Variants in XKR6 observed in about 807,000 individuals in gnomAD.
XKR6 encodes the protein XK related 6.
Under a neutral mutation model 56.7 loss-of-function variants are expected in XKR6, and 22 were observed. The ratio of observed to expected loss-of-function variants is 0.39; its 90% CI spans 0.28 to 0.55. XKR6 has a LOEUF of 0.55. XKR6 is among the 20% of genes least tolerant of loss of function. The pLI, the probability that XKR6 is intolerant of heterozygous loss-of-function variation, is 0.66. For missense variants in XKR6, 852 were observed against 889.0 expected, an observed-to-expected ratio of 0.96 and a Z score of 0.53; for synonymous variants, 524 against 387.8, an observed-to-expected ratio of 1.35 and a Z score of -4.13.
At chr8:10,974,476 C>A (rs35148314) in intron 1 of XKR6, among the ~76,000 whole-genome samples, 26,981 of 152,186 alleles carry the variant, frequency 0.18, 2,681 homozygotes, top group Non-Finnish European at 0.22. Context: ...CCTGACCAAT[C>A]CTAAGCCTGG....
intron 1 of XKR6, among the ~76,000 whole-genome samples, chr8:11,107,087 T>C (rs1255321515): frequency 6.6e-6 from 1 of 152,046 alleles, no homozygotes; most frequent in Non-Finnish European, 1.5e-5. Flanking sequence ...GCTTCTATCT[T>C]GACTTATGAC....
chr8:10,908,753 G>A (rs1393605268), intron 2 of XKR6, among the ~76,000 whole-genome samples: 1 of 152,230 alleles, frequency 6.6e-6, no homozygotes, highest in African/African-American at 2.4e-5. Context: ...ACAGCATTGT[G>A]TTAAGAGGTG....
At chr8:10,954,869 T>C (rs1215122838) in intron 1 of XKR6, among the ~76,000 whole-genome samples, 5 of 139,308 alleles carry the variant, frequency 3.6e-5, no homozygotes, top group Admixed American at 3.6e-4. Flanking sequence ...TCATTCTCTT[T>C]TTTTTTTTTT....
At chr8:10,955,955 G>C (rs963130913) in intron 1 of XKR6, among the ~76,000 whole-genome samples, 1 of 152,240 alleles carries the variant, frequency 6.6e-6, no homozygotes, top group African/African-American at 2.4e-5. Context: ...AGGGCCCTGA[G>C]TGGCTGCTCG....
intron 1 of XKR6, among the ~76,000 whole-genome samples, chr8:11,146,755 G>C (rs1324348939): frequency 6.6e-6 from 1 of 151,786 alleles, no homozygotes; most frequent in African/African-American, 2.4e-5. Context: ...AATAAAGAAA[G>C]TGTGGTAAAC....
chr8:11,061,033 C>G (rs565425773), intron 1 of XKR6, among the ~76,000 whole-genome samples: 2 of 152,212 alleles, frequency 1.3e-5, no homozygotes, highest in African/African-American at 4.8e-5. Flanking sequence ...AAGCCAACGT[C>G]TACCTAGGGC....
chr8:10,962,595 G>A (rs994645602), intron 1 of XKR6, among the ~76,000 whole-genome samples: 1 of 152,040 alleles, frequency 6.6e-6, no homozygotes, highest in Admixed American at 6.5e-5. Context: ...TCCATGTTTA[G>A]TTTCATATTC....
chr8:11,162,841 G>T (rs774106712), intron 1 of XKR6, among the ~76,000 whole-genome samples: 20 of 152,222 alleles, frequency 1.3e-4, no homozygotes, highest in Non-Finnish European at 2.2e-4. Flanking sequence ...CACTAACAGT[G>T]ATGTCACCTC....
intron 1 of XKR6, among the ~76,000 whole-genome samples, chr8:10,932,906 A>G (rs1801103542): frequency 7.0e-6 from 1 of 142,614 alleles, no homozygotes; most frequent in African/African-American, 2.7e-5. Flanking sequence ...GTGTCTTTAT[A>G]GCAGCATGAT....
Position 11,180,360 on chromosome 8 carries a change from G to C in XKR6, c.764+20216C>G, listed in dbSNP as rs557428681. Reference sequence around the variant, plus strand: ...TTAACCATGGCACAAGGAATGTTTGGACTAAAAAATTCTTTGTGGTGAGAG... The same window carrying C: ...TTAACCATGGCACAAGGAATGTTTGCACTAAAAAATTCTTTGTGGTGAGAG... On this transcript the variant is annotated intron_variant, in intron 1 of 2. Transcript: ENST00000416569. 1.3e-3 allele frequency among the ~76,000 whole-genome samples: 194 copies of C among 152,234 alleles called. 1 individual carries two copies. In the Middle Eastern group the frequency reaches 0.014, roughly 11 times the overall value.
At chr8:11,093,476 C>T (rs978717223) in intron 1 of XKR6, among the ~76,000 whole-genome samples, 1 of 152,314 alleles carries the variant, frequency 6.6e-6, no homozygotes, top group East Asian at 1.9e-4. Context: ...CCCTGCTCCC[C>T]GCACTCCACT....
intron 1 of XKR6, among the ~76,000 whole-genome samples, chr8:10,948,188 G>C (rs968623721): frequency 2.0e-5 from 3 of 152,148 alleles, no homozygotes; most frequent in Non-Finnish European, 2.9e-5. Context: ...GAAGAGGCTG[G>C]GCTTCAGAGA....
At chr8:10,960,009 G>T (rs190417451) in intron 1 of XKR6, among the ~76,000 whole-genome samples, 4 of 134,826 alleles carry the variant, frequency 3.0e-5, no homozygotes, top group Non-Finnish European at 5.1e-5. Flanking sequence ...CTGAAGGTCA[G>T]GGGGGGGCCT....
At chr8:11,123,328 A>C (rs1028662292) in intron 1 of XKR6, 1 of 152,394 alleles carries the variant, frequency 6.6e-6, no homozygotes, top group Non-Finnish European at 1.5e-5. Context: ...TGCCAACAAC[A>C]ATCTGGTTAT....
At position 11,045,788 on chromosome 8, in the gene XKR6, G is replaced by A. The variant is rs533554535; in HGVS notation, c.765-120958C>T. ...TCCACCACAGAGGCAGTGCACTGGT[G>A]TGACTTGGGGGTTACCACAAGGAAA... is the stretch of plus-strand genomic sequence containing the variant. On this transcript the variant is annotated intron_variant, in intron 1 of 2. Transcript: ENST00000416569. Among the ~76,000 whole-genome samples the A allele has an allele frequency of 3.3e-5, 5 of 152,314 alleles. No homozygotes were observed. The South Asian group carries it at 1.0e-3, about 32-fold the overall frequency.
intron 1 of XKR6, among the ~76,000 whole-genome samples, chr8:10,945,345 A>G (rs1801503672): frequency 6.6e-6 from 1 of 152,200 alleles, no homozygotes; most frequent in Admixed American, 6.5e-5. Context: ...TTAGCTGGGC[A>G]TGGTGGTGCA....
At chr8:10,965,003 C>T (rs547311723) in intron 1 of XKR6, among the ~76,000 whole-genome samples, 24 of 152,334 alleles carry the variant, frequency 1.6e-4, no homozygotes, top group African/African-American at 5.5e-4. Context: ...CTCTTTACAT[C>T]GCCTTCCCTT....
intron 2 of XKR6, among the ~76,000 whole-genome samples, chr8:10,907,878 GT>G (rs1443990613): frequency 1.3e-5 from 2 of 152,186 alleles, no homozygotes; most frequent in Non-Finnish European, 2.9e-5. Flanking sequence ...TGACACTTCT[GT>G]TCCATCTCTC....
intron 1 of XKR6, among the ~76,000 whole-genome samples, chr8:11,185,231 A>G (rs894242651): frequency 3.3e-5 from 5 of 152,210 alleles, no homozygotes; most frequent in African/African-American, 7.2e-5. Flanking sequence ...TAAGTGGGTA[A>G]GAATTATCTC....
Sources: allele counts gnomAD v4.1 joint callset (sites outside exome capture counted in the v4.1 genomes callset), GRCh38; gene constraint gnomAD v4.1.1; transcripts MANE v1.5; gene names NCBI Gene and HGNC (gene_info 2026-07-23, HGNC 2026-07-21).